Variants in NSUN7 observed in about 807,000 individuals in gnomAD.
NSUN7 encodes the protein NOP2/Sun RNA methyltransferase family member 7.
In NSUN7, 39 loss-of-function variants were observed where a neutral mutation model predicts 58.5. The observed-to-expected ratio is 0.67, with a 90% CI of 0.52 to 0.87. The LOEUF (loss-of-function observed/expected upper bound fraction) is 0.87, where lower values mean the gene tolerates loss of function less well. NSUN7 is among the 40% of genes least tolerant of loss of function. The probability of loss-of-function intolerance (pLI) is 0.00; values close to 1 mark genes in which losing one functional copy is unlikely to be tolerated. For missense variants in NSUN7, 765 were observed against 844.1 expected (o/e 0.91, Z 1.16); for synonymous variants, 278 against 303.7 (o/e 0.92, Z 0.88).
At position 40,775,991 on chromosome 4, in the gene NSUN7, G is replaced by C. The variant is rs181486260; in HGVS notation, c.826-58G>C. ...TTTCTTTTATGTAAAGCAAATAGAA[G>C]TCAGCTTATATTTCTAGCCATACCC... On this transcript the variant is annotated intron_variant, in intron 6 of 11. Coordinates refer to ENST00000381782, the MANE Select transcript of NSUN7 (RefSeq NM_024677.6). The surrounding 1 kb of genome is among the most constrained non-coding windows in gnomAD (Gnocchi z 4.3). The C allele has an allele frequency of 8.2e-6, 9 of 1,102,848 alleles. No homozygotes were observed. The East Asian group carries it at 2.2e-4, about 27-fold the overall frequency. 68.3% of individuals were successfully genotyped at this position (1,102,848 alleles called of 1,614,324 possible).
At chr4:40,763,663 G>A (rs1201852032) in intron 4 of NSUN7, among the ~76,000 whole-genome samples, 1 of 152,112 alleles carries the variant, frequency 6.6e-6, no homozygotes, top group Non-Finnish European at 1.5e-5. Flanking sequence ...GACAAGCAAA[G>A]GGCCTGGTTT....
At chr4:40,759,031 C>T (rs905261369) in intron 2 of NSUN7, among the ~76,000 whole-genome samples, 17 of 152,246 alleles carry the variant, frequency 1.1e-4, no homozygotes, top group Non-Finnish European at 2.2e-4. Context: ...TGTTATACGC[C>T]GGGCACGGTG....
At position 40,774,215 on chromosome 4, in the gene NSUN7, A is replaced by G. The variant is rs758218707; in HGVS notation, c.489-50A>G. 15 of 1,498,124 alleles carry G rather than the reference A, an allele frequency of 1.0e-5. No individual in the cohort carries two copies. In the East Asian group the frequency reaches 1.8e-4, roughly 18 times the overall value. The allele number at this position is 1,498,124 out of a possible 1,614,324, so 92.8% of individuals were successfully genotyped here. ...TTTTAGAGTTTCCAGTGGAAAATTG[A>G]TAGTCTTGTCTCAAATGCAATAGAT... is the stretch of plus-strand genomic sequence containing the variant. On this transcript the variant is annotated intron_variant, in intron 4 of 11. Coordinates refer to ENST00000381782, the MANE Select transcript of NSUN7 (RefSeq NM_024677.6).
At chr4:40,790,539 C>T in intron 7 of NSUN7, 63 bp from the exon 8 acceptor site, 4 of 1,035,928 alleles carry the variant, frequency 3.9e-6, no homozygotes, top group Non-Finnish European at 5.6e-6. Flanking sequence ...TAGATACAAT[C>T]ACATACTACA....
intron 2 of NSUN7, among the ~76,000 whole-genome samples, chr4:40,757,718 G>GTA (rs1434684910): frequency 7.6e-4 from 44 of 57,548 alleles, no homozygotes; most frequent in Middle Eastern, 0.01. Flanking sequence ...GTGTGTGTGT[G>GTA]TATATATACA....
Position 40,750,738 on chromosome 4 carries a change from T to C in NSUN7, c.45T>C (p.Asp15=). ...TGELEFSNEE[D]PEIISQLTSL... is the part of the protein sequence containing the mutation. The stretch of plus-strand genomic sequence containing the variant: ...AACTGGAGTTTTCGAACGAAGAAGA[T>C]CCCGAGATCATCTCCCAACTCACTT... The change falls in exon 2 of 12, where the codon GAT becomes GAC. Residue 15 remains aspartate, a synonymous_variant. Coordinates refer to ENST00000381782, the MANE Select transcript of NSUN7 (RefSeq NM_024677.6). The C allele has an allele frequency of 6.2e-7, 1 of 1,613,894 alleles. No homozygotes were observed. Among genetic ancestry groups the C allele is most frequent in the Non-Finnish European group, 8.5e-7 (1 of 1,179,976 alleles).
chr4:40,790,905 C>A (rs935894274), intron 8 of NSUN7, among the ~76,000 whole-genome samples, 160 bp downstream of exon 8: 1 of 152,068 alleles, frequency 6.6e-6, no homozygotes, highest in Non-Finnish European at 1.5e-5. Context: ...CCTCTGTTAC[C>A]TCATTTAATC....
Position 40,798,664 on chromosome 4 carries a change from T to C in NSUN7, c.1283-123T>C, listed in dbSNP as rs1298868739. 1.8e-5 allele frequency: 9 copies of C among 499,642 alleles called. No individual in the cohort carries two copies. In the Admixed American group the frequency reaches 2.9e-4, roughly 16 times the overall value. 31.0% of individuals were successfully genotyped at this position (499,642 alleles called of 1,614,324 possible). A position where few individuals can be genotyped will look rare whatever the true frequency, so the allele number is the denominator to read the frequency against. On this transcript the variant is annotated intron_variant, in intron 9 of 11. Coordinates refer to ENST00000381782, the MANE Select transcript of NSUN7 (RefSeq NM_024677.6). ...TTTAAAGGGGAGCCATTCAAGCATC[T>C]GGGGAAATTATTCTCATCAAAACCA...
intron 4 of NSUN7, among the ~76,000 whole-genome samples, chr4:40,770,015 G>C (rs1741921679): frequency 6.6e-6 from 1 of 151,874 alleles, no homozygotes; most frequent in Non-Finnish European, 1.5e-5. Flanking sequence ...TTCGAGACCA[G>C]CCTGGACCAA....
rs1744234017 is a variant in NSUN7 at position 40,810,643 on chromosome 4, C to G, written c.*1704C>G. 6.7e-6 allele frequency: 1 copy of G among 149,220 alleles called. No individual in the cohort carries two copies. Among genetic ancestry groups the G allele is most frequent in the Non-Finnish European group, 1.5e-5 (1 of 67,620 alleles). The allele number at this position is 149,220 out of a possible 1,614,324, so 9.2% of individuals were successfully genotyped here. A position where few individuals can be genotyped will look rare whatever the true frequency, so the allele number is the denominator to read the frequency against. On this transcript the variant is annotated 3_prime_UTR_variant, in exon 12 of 12. Transcript: ENST00000381782. ...GAAACAAGACTTTTTATAGTTGAACCAGGCTTATTGTATTTTAAATCCCTG... is the reference window on the plus strand; with the variant it reads ...GAAACAAGACTTTTTATAGTTGAACGAGGCTTATTGTATTTTAAATCCCTG...
intron 4 of NSUN7, 32 bp downstream of exon 4, chr4:40,761,333 T>C: frequency 6.4e-7 from 1 of 1,564,950 alleles, no homozygotes; most frequent in Non-Finnish European, 8.7e-7. Context: ...ATGTTTTATA[T>C]GAAACCTACA....
At chr4:40,794,338 G>A (rs1399478691) in intron 8 of NSUN7, 37 bp from the exon 9 acceptor site, 5 of 1,190,850 alleles carry the variant, frequency 4.2e-6, no homozygotes, top group Non-Finnish European at 6.1e-6. Flanking sequence ...AGTTTTTAAT[G>A]GTGCTATATT....
chr4:40,767,119 T>G (rs2154287157), intron 4 of NSUN7, among the ~76,000 whole-genome samples: 1 of 152,140 alleles, frequency 6.6e-6, no homozygotes, highest in East Asian at 1.9e-4. Context: ...TCTTGCCTTC[T>G]GCTAGCTTTT....
At chr4:40,781,147 A>AC (rs1742546849) in intron 7 of NSUN7, among the ~76,000 whole-genome samples, 1 of 151,900 alleles carries the variant, frequency 6.6e-6, no homozygotes, top group Admixed American at 6.6e-5. Context: ...GCTCACTGCA[A>AC]CCTCTGCTTC....
rs564801864 is a variant in NSUN7 at position 40,758,254 on chromosome 4, A to T, written c.299-2180A>T. On this transcript the variant is annotated intron_variant, in intron 2 of 11. Transcript: ENST00000381782. The stretch of plus-strand genomic sequence containing the variant: ...TATTTCTTAGGAGTCCAGCATCTCC[A>T]CTGCTCAAAGAGGTCTGCCAAGTTA... Among the ~76,000 whole-genome samples the T allele has an allele frequency of 2.7e-3, 412 of 152,214 alleles. 1 individual carries two copies. Among genetic ancestry groups the T allele is most frequent in the African/African-American group, 9.4e-3 (390 of 41,534 alleles).
At chr4:40,801,047 G>A (rs1743555992) in intron 10 of NSUN7, among the ~76,000 whole-genome samples, 1 of 150,194 alleles carries the variant, frequency 6.7e-6, no homozygotes, top group Non-Finnish European at 1.5e-5. Context: ...AAGGGAGAAA[G>A]GGAGGGAGGA....
chr4:40,799,073 C>CTTTTTTTTTTT lies in NSUN7; in HGVS notation c.1400+188_1400+198dup, dbSNP rs761448412. Among the ~76,000 whole-genome samples, 234 of 75,540 alleles carry CTTTTTTTTTTT rather than the reference C, an allele frequency of 3.1e-3. 57 individuals carry two copies. The highest frequency in any genetic ancestry group is 4.6e-3 in the African/African-American group (93 of 20,042). 49.6% of individuals were successfully genotyped at this position (75,540 alleles called of 152,430 possible). A position where few individuals can be genotyped will look rare whatever the true frequency, so the allele number is the denominator to read the frequency against. On this transcript the variant is annotated intron_variant, in intron 10 of 11. Coordinates refer to ENST00000381782, the MANE Select transcript of NSUN7 (RefSeq NM_024677.6). Reference sequence around the variant, plus strand: ...AACCAAGATTCCATAGGGCCTTTTTCTTTTTTTTTTTTTTTTTTTTTTTTT... The same window carrying CTTTTTTTTTTT: ...AACCAAGATTCCATAGGGCCTTTTTCTTTTTTTTTTTTTTTTTTTTTTTTTTTTTTTTTTTT...
chr4:40,781,520 C>T (rs1257983616), intron 7 of NSUN7, among the ~76,000 whole-genome samples: 2 of 152,246 alleles, frequency 1.3e-5, no homozygotes, highest in East Asian at 3.9e-4. Flanking sequence ...AATCTCAGCT[C>T]AATATAAATT....
At chr4:40,762,813 A>G (rs1427974402) in intron 4 of NSUN7, 1 of 151,504 alleles carries the variant, frequency 6.6e-6, no homozygotes, top group African/African-American at 2.4e-5. Flanking sequence ...TGAACTGCAC[A>G]TGGTGAGGGA....
Sources: allele counts gnomAD v4.1 joint callset (sites outside exome capture counted in the v4.1 genomes callset), GRCh38; gene constraint gnomAD v4.1.1; non-coding constraint Gnocchi (gnomAD v3.1); transcripts MANE v1.5; gene names NCBI Gene and HGNC (gene_info 2026-07-23, HGNC 2026-07-21).